POLA1: variants seen among roughly 807,000 people sequenced by gnomAD.
POLA1 encodes DNA polymerase alpha catalytic subunit.
In POLA1, 15 loss-of-function variants were observed where a neutral mutation model predicts 124.0. The observed-to-expected ratio is 0.12, with a 90% CI of 0.08 to 0.19. POLA1 has a LOEUF of 0.19. Among genes scored for constraint, POLA1 ranks in the 10% least tolerant of loss-of-function variants. POLA1 has a pLI of 1.00. For synonymous variants in POLA1, 408 were observed against 389.4 expected, an observed-to-expected ratio of 1.05 and a Z score of -0.56; for missense variants, 886 against 1,103.4, an observed-to-expected ratio of 0.80 and a Z score of 2.79.
Position 24,759,179 on chromosome X carries a change from G to C in POLA1, c.2964+10187G>C, listed in dbSNP as rs373694902. Among the ~76,000 whole-genome samples the C allele has an allele frequency of 2.0e-4, 22 of 111,918 alleles. No individual in the cohort carries two copies. In the East Asian group the frequency reaches 3.1e-3, roughly 16 times the overall value. ...AAATTCCAGGGCTTCTTTCATCAAG[G>C]AAGATGGAATTTCCTTATTCTCAAT... On this transcript the variant is annotated intron_variant, in intron 26 of 36. Transcript: ENST00000379068.
chrX:24,752,810 T>C (rs919653387), intron 26 of POLA1, among the ~76,000 whole-genome samples: 1 of 111,456 alleles, frequency 9.0e-6, no homozygotes, highest in African/African-American at 3.3e-5. Flanking sequence ...TTAGTTATAT[T>C]GATAGGAACA....
chrX:24,977,808 C>T (rs1056340168), intron 36 of POLA1, among the ~76,000 whole-genome samples: 4 of 111,751 alleles, frequency 3.6e-5, no homozygotes, highest in Non-Finnish European at 5.6e-5. Context: ...TAGCTGGCTT[C>T]GGGCATCTGG....
intron 35 of POLA1, among the ~76,000 whole-genome samples, chrX:24,910,421 A>T (rs975892723): frequency 1.6e-4 from 18 of 110,812 alleles, no homozygotes; most frequent in Non-Finnish European, 3.0e-4. Context: ...TCCCATCAAT[A>T]CCTAATTTAT....
At chrX:24,973,212 G>A (rs1189949665) in intron 36 of POLA1, among the ~76,000 whole-genome samples, 1 of 111,248 alleles carries the variant, frequency 9.0e-6, no homozygotes. Context: ...CAAAAAATTA[G>A]CTGGGTGTGG....
chrX:24,707,459 AT>A (rs1183061003), intron 4 of POLA1, among the ~76,000 whole-genome samples: 6 of 111,946 alleles, frequency 5.4e-5, no homozygotes, highest in Admixed American at 9.5e-5. Context: ...GAAGAGAATG[AT>A]TTGATCTGGA....
At chrX:24,780,283 T>C (rs748396720) in intron 26 of POLA1, among the ~76,000 whole-genome samples, 1 of 112,477 alleles carries the variant, frequency 8.9e-6, no homozygotes, top group Non-Finnish European at 1.9e-5. Flanking sequence ...TTTAAATGTC[T>C]GGTAGAATTC....
chrX:24,929,233 A>G (rs1008597474), intron 35 of POLA1, among the ~76,000 whole-genome samples: 1 of 111,870 alleles, frequency 8.9e-6, no homozygotes, highest in African/African-American at 3.2e-5. Context: ...AAATAGTGCT[A>G]TTTCCATATC....
intron 4 of POLA1, among the ~76,000 whole-genome samples, chrX:24,706,817 TG>T (rs1406487699): frequency 8.9e-6 from 1 of 112,399 alleles, no homozygotes; most frequent in African/African-American, 3.2e-5. Context: ...TGATTTACTA[TG>T]TAGGTTCATT....
At chrX:24,845,781 A>G (rs761420480) in intron 34 of POLA1, among the ~76,000 whole-genome samples, 2 of 112,227 alleles carry the variant, frequency 1.8e-5, no homozygotes, top group South Asian at 3.7e-4. Flanking sequence ...GTTTTCTCCT[A>G]TTTAGCAACT....
chrX:24,927,656 G>T (rs2047714998), intron 35 of POLA1, among the ~76,000 whole-genome samples: 1 of 112,388 alleles, frequency 8.9e-6, no homozygotes, highest in Admixed American at 9.4e-5. Flanking sequence ...AGAAGCCTAG[G>T]CACTGTGTTG....
rs886486277 is a variant in POLA1, at chrX:24,996,154, A to G, written c.*204A>G. ...GCATCATAGAAATTCCTGTCTTCAT[A>G]TTAAGATGTACTGCTTTAAAACACA... On this transcript the variant is annotated 3_prime_UTR_variant, in exon 37 of 37. Coordinates refer to ENST00000379068, the MANE Select transcript of POLA1 (RefSeq NM_001330360.2). 2 of 384,154 alleles carry G rather than the reference A, an allele frequency of 5.2e-6. No individual in the cohort carries two copies. The highest frequency in any genetic ancestry group is 8.6e-5 in the East Asian group (2 of 23,335). The allele number at this position is 384,154 out of a possible 1,213,427, so 31.7% of individuals were successfully genotyped here. A position where few individuals can be genotyped will look rare whatever the true frequency, so the allele number is the denominator to read the frequency against.
At chrX:24,968,975 A>G (rs1388917266) in intron 36 of POLA1, among the ~76,000 whole-genome samples, 1 of 111,375 alleles carries the variant, frequency 9.0e-6, no homozygotes, top group East Asian at 2.8e-4. Flanking sequence ...TTGGGAGGCT[A>G]AGGTGGGCAT....
chrX:24,834,725 C>T (rs891306133), intron 32 of POLA1, among the ~76,000 whole-genome samples: 1 of 111,207 alleles, frequency 9.0e-6, no homozygotes, highest in Non-Finnish European at 1.9e-5. Context: ...TGCAGTGAGC[C>T]GAGATTGCGC....
intron 34 of POLA1, among the ~76,000 whole-genome samples, chrX:24,851,244 CG>C (rs1173671835): frequency 8.9e-6 from 1 of 112,293 alleles, no homozygotes; most frequent in African/African-American, 3.2e-5. Flanking sequence ...TTGTGCCTAA[CG>C]TGATAGGTGC....
intron 36 of POLA1, among the ~76,000 whole-genome samples, chrX:24,957,794 G>C (rs964691155): frequency 9.0e-6 from 1 of 110,861 alleles, no homozygotes; most frequent in African/African-American, 3.3e-5. Flanking sequence ...CAGAGAAGGG[G>C]CATGGCAGGA....
At chrX:24,990,751 G>T (rs2048526224) in intron 36 of POLA1, among the ~76,000 whole-genome samples, 1 of 111,973 alleles carries the variant, frequency 8.9e-6, no homozygotes, top group East Asian at 2.8e-4. Context: ...TCATGGGGCA[G>T]TTGGAGCGCG....
chrX:24,744,530 T>C lies in POLA1; in HGVS notation c.2567-888T>C, dbSNP rs181476754. ...AAATATAGTAGCTTTCTGTTCTTCCTTTGCAAGTAAAAAGGGTGGGTCGTT... is the reference window on the plus strand; with the variant it reads ...AAATATAGTAGCTTTCTGTTCTTCCCTTGCAAGTAAAAAGGGTGGGTCGTT... On this transcript the variant is annotated intron_variant, in intron 23 of 36. Transcript: ENST00000379068. The C allele has an allele frequency of 1.1e-5, 4 of 354,448 alleles. No homozygotes were observed. In the East Asian group the frequency reaches 2.4e-4, roughly 22 times the overall value. 29.2% of individuals were successfully genotyped at this position (354,448 alleles called of 1,213,427 possible). A position where few individuals can be genotyped will look rare whatever the true frequency, so the allele number is the denominator to read the frequency against.
At chrX:24,831,349 T>C (rs776038543) in intron 32 of POLA1, among the ~76,000 whole-genome samples, 1 of 112,374 alleles carries the variant, frequency 8.9e-6, no homozygotes, top group East Asian at 2.8e-4. Context: ...TTGCCTTTTT[T>C]CATTATTAAG....
At position 24,912,535 on chromosome X, in the gene POLA1, T is replaced by A. The variant is rs11573471; in HGVS notation, c.4165-17918T>A. Among the ~76,000 whole-genome samples, 298 of 109,369 alleles carry A rather than the reference T, an allele frequency of 2.7e-3. 2 individuals carry two copies. Among genetic ancestry groups the A allele is most frequent in the Admixed American group, 0.024 (245 of 10,267 alleles). The allele number at this position is 109,369 out of a possible 115,157, so 95.0% of individuals were successfully genotyped here. A position where few individuals can be genotyped will look rare whatever the true frequency, so the allele number is the denominator to read the frequency against. ...CAACAGTAAAACAAGCAATCCAATT[T>A]AAAAAAAAACAAAAGACTTGAATAG... On this transcript the variant is annotated intron_variant, in intron 35 of 36. Transcript: ENST00000379068.
Sources: gnomAD v4.1 joint callset for allele counts (sites outside exome capture counted in the v4.1 genomes callset) on GRCh38, gnomAD v4.1.1 for gene constraint, MANE v1.5 for transcripts, NCBI Gene and HGNC (gene_info 2026-07-23, HGNC 2026-07-21) for gene names.